Variants in RAX observed in about 807,000 individuals in gnomAD.
RAX encodes retina and anterior neural fold homeobox.
A neutral mutation model predicts 17.4 loss-of-function variants in RAX; 11 were observed. The observed-to-expected ratio is 0.63, with a 90% CI of 0.40 to 1.05. RAX has a LOEUF of 1.05. Among genes scored for constraint, RAX ranks in the 50% least tolerant of loss-of-function variants. The probability of loss-of-function intolerance (pLI) is 0.00; values close to 1 mark genes in which losing one functional copy is unlikely to be tolerated. For missense variants in RAX, 527 were observed against 501.1 expected, an observed-to-expected ratio of 1.05 and a Z score of -0.49; for synonymous variants, 276 against 254.7, an observed-to-expected ratio of 1.08 and a Z score of -0.80.
Position 59,272,489 on chromosome 18 carries a change from T to C in RAX, c.415A>G (p.Asn139Asp). ...EEQPKKKHRR[N>D]RTTFTTYQLH... ...TGGTACGTGGTGAAAGTCGTGCGGTTCCGCCGATGCTTTTTCTTGGGCTGT... is the reference window on the plus strand; with the variant it reads ...TGGTACGTGGTGAAAGTCGTGCGGTCCCGCCGATGCTTTTTCTTGGGCTGT... The change falls in exon 2 of 3, where the codon AAC becomes GAC. Residue 139 changes from asparagine to aspartate, a missense_variant. Physicochemically the swap from Asn to Asp is conservative, Grantham distance 23 (BLOSUM62 1). Coordinates refer to ENST00000334889, the MANE Select transcript of RAX (RefSeq NM_013435.3). 6.2e-7 allele frequency: 1 copy of C among 1,614,232 alleles called. No individual in the cohort carries two copies. The highest frequency in any genetic ancestry group is 2.2e-5 in the East Asian group (1 of 44,858).
intron 2 of RAX, among the ~76,000 whole-genome samples, chr18:59,270,251 A>G (rs547868519): frequency 3.9e-5 from 6 of 152,304 alleles, no homozygotes; most frequent in African/African-American, 1.4e-4. Flanking sequence ...TTTTTATTTA[A>G]TTAATGTCTG....
In RAX at chr18:59,268,952, G is replaced by C. The variant is rs1365917639; in HGVS notation, c.*52C>G. On this transcript the variant is annotated 3_prime_UTR_variant, in exon 3 of 3. Coordinates refer to ENST00000334889, the MANE Select transcript of RAX (RefSeq NM_013435.3). This position sits in a 1 kb window ranked among gnomAD's most constrained non-coding sequence, Gnocchi z 4.4. Reference sequence around the variant, plus strand: ...GGGTTGTCCCTGGGAGAGAGGATGCGGGTACGGTGCGGTCGGCCCGGGGTC... The same window carrying C: ...GGGTTGTCCCTGGGAGAGAGGATGCCGGTACGGTGCGGTCGGCCCGGGGTC... The C allele has an allele frequency of 4.3e-6, 7 of 1,612,446 alleles. No individual in the cohort carries two copies. Among genetic ancestry groups the C allele is most frequent in the East Asian group, 4.5e-5 (2 of 44,864 alleles).
At chr18:59,270,652 G>A (rs182286489) in intron 2 of RAX, among the ~76,000 whole-genome samples, 3 of 152,316 alleles carry the variant, frequency 2.0e-5, no homozygotes, top group Admixed American at 6.5e-5. Flanking sequence ...GTAGTTTTCA[G>A]TCAATAAGGG....
chr18:59,269,146 G>T lies in RAX; in HGVS notation c.899C>A (p.Pro300Gln). 2 of 1,589,264 alleles carry T rather than the reference G, an allele frequency of 1.3e-6. No individual in the cohort carries two copies. The highest frequency in any genetic ancestry group is 2.2e-5 in the South Asian group (2 of 89,182). The change falls in exon 3 of 3, where the codon CCG becomes CAG. Residue 300 changes from proline (P) to glutamine (Q), a missense_variant. Pro to Gln is a moderately conservative substitution (Grantham distance 76, BLOSUM62 -1). Transcript: ENST00000334889. ...GCCGGGCCCGCACGGGTAGGAGGGC[G>T]GCGGCGGCGCGAGAGGTTGCAGGCC... The part of the protein sequence containing the change: ...GPGLQPLAPP[P>Q]PSYPCGPGFG...
chr18:59,268,914 G>T lies in RAX; in HGVS notation c.*90C>A, dbSNP rs1004149963. On this transcript the variant is annotated 3_prime_UTR_variant, in exon 3 of 3. Transcript: ENST00000334889. This position sits in a 1 kb window ranked among gnomAD's most constrained non-coding sequence, Gnocchi z 4.4. ...TGCAGGCGACAGGGAAAGAGGGGCCGAGCTGGGGAGGGGGGTTGTCCCTGG... is the reference window on the plus strand; with the variant it reads ...TGCAGGCGACAGGGAAAGAGGGGCCTAGCTGGGGAGGGGGGTTGTCCCTGG... 5 of 1,597,502 alleles carry T rather than the reference G, an allele frequency of 3.1e-6. No individual in the cohort carries two copies. In the African/African-American group the frequency reaches 4.0e-5, roughly 13 times the overall value.
At chr18:59,272,255 A>C in intron 2 of RAX, 106 bp downstream of exon 2, 1 of 1,487,106 alleles carries the variant, frequency 6.7e-7, no homozygotes, top group Non-Finnish European at 9.3e-7. Context: ...CAAGTCGAGG[A>C]AGGACAGTAA....
In RAX at chr18:59,269,441, T is replaced by A. The variant is rs1024154654; in HGVS notation, c.604A>T (p.Met202Leu). Reference sequence around the variant, plus strand: ...AGGAGGGGCGAGTCCTGCAGCTTCATGGAGGACACTTCCAGCTTCTCCTGC... The same window carrying A: ...AGGAGGGGCGAGTCCTGCAGCTTCAAGGAGGACACTTCCAGCTTCTCCTGC... ...RRQEKLEVSS[M>L]KLQDSPLLSF... is the part of the protein sequence containing the mutation. The change falls in exon 3 of 3, where the codon ATG becomes TTG. Residue 202 changes from methionine (M) to leucine (L), a missense_variant. Met to Leu is a conservative substitution (Grantham distance 15). Transcript: ENST00000334889. The A allele has an allele frequency of 6.3e-7, 1 of 1,592,064 alleles. No homozygotes were observed. Among genetic ancestry groups the A allele is most frequent in the Non-Finnish European group, 8.5e-7 (1 of 1,177,504 alleles).
Position 59,272,511 on chromosome 18 carries a change from C to G in RAX, c.393G>C (p.Gln131His), listed in dbSNP as rs376129745. The G allele has an allele frequency of 1.2e-6, 2 of 1,614,118 alleles. No individual in the cohort carries two copies. Among genetic ancestry groups the G allele is most frequent in the East Asian group, 4.5e-5 (2 of 44,886 alleles). The stretch of plus-strand genomic sequence containing the variant: ...GGTTCCGCCGATGCTTTTTCTTGGG[C>G]TGTTCCTCCTCTGACAGTTTCGCTT... Reference protein sequence around the residue: ...TGEAKLSEEEQPKKKHRRNRT... With the variant: ...TGEAKLSEEEHPKKKHRRNRT... The change falls in exon 2 of 3, where the codon CAG (glutamine) becomes CAC (histidine). Residue 131 changes from glutamine (Q) to histidine (H), a missense_variant. Transcript: ENST00000334889.
At position 59,269,111 on chromosome 18, in the gene RAX, T is replaced by A. The variant is rs1247754205; in HGVS notation, c.934A>T (p.Lys312Ter). The A allele has an allele frequency of 6.2e-7, 1 of 1,610,614 alleles. No homozygotes were observed. The highest frequency in any genetic ancestry group is 8.5e-7 in the Non-Finnish European group (1 of 1,178,728). Reference protein sequence around the residue: ...SYPCGPGFGDKFPLDEADPRN... With the variant: ...SYPCGPGFGD The stretch of plus-strand genomic sequence containing the variant: ...GGGTCCGCCTCGTCCAGCGGGAACT[T>A]GTCCCCGAAGCCGGGCCCGCACGGG... The change falls in exon 3 of 3, where the codon AAG becomes TAG. Residue 312 changes from lysine to a stop codon, truncating the protein, a stop_gained. Coordinates refer to ENST00000334889, the MANE Select transcript of RAX (RefSeq NM_013435.3). LOFTEE classifies it high-confidence loss of function.
In RAX at chr18:59,269,454, C is replaced by G. The variant is rs757348520; in HGVS notation, c.591G>C (p.Leu197=). The part of the protein sequence containing the change: ...RRAKWRRQEK[L]EVSSMKLQDS... ...CCTGCAGCTTCATGGAGGACACTTC[C>G]AGCTTCTCCTGCCGCCGCCACTTAG... The change falls in exon 3 of 3, where the codon CTG becomes CTC. Residue 197 remains leucine, a synonymous_variant. Transcript: ENST00000334889. The G allele has an allele frequency of 1.3e-6, 2 of 1,594,486 alleles. No individual in the cohort carries two copies. Among genetic ancestry groups the G allele is most frequent in the Non-Finnish European group, 8.5e-7 (1 of 1,178,620 alleles).
chr18:59,273,063 G>C lies in RAX; in HGVS notation c.144C>G (p.Leu48=). The C allele has an allele frequency of 6.5e-7, 1 of 1,534,992 alleles. No individual in the cohort carries two copies. The highest frequency in any genetic ancestry group is 1.7e-4 in the Middle Eastern group (1 of 5,960). Residue 48 remains leucine (L), a synonymous_variant, in exon 1 of 3, where the codon CTC becomes CTG. Transcript: ENST00000334889. ...ILGFTKDDGI[L]GTFPAERGAR... ...CGCCCCGCTCCGCCGGGAAGGTGCCGAGGATCCCGTCGTCCTTGGTAAACC... is the reference window on the plus strand; with the variant it reads ...CGCCCCGCTCCGCCGGGAAGGTGCCCAGGATCCCGTCGTCCTTGGTAAACC...
At chr18:59,272,804 C>A in intron 1 of RAX, 114 bp downstream of exon 1, 1 of 1,417,826 alleles carries the variant, frequency 7.1e-7, no homozygotes, top group South Asian at 1.5e-5. Flanking sequence ...ATAGACGGTC[C>A]CCAACCCCGC....
rs141833638 is a variant in RAX, at chr18:59,272,226, C to G, written c.543+135G>C. On this transcript the variant is annotated intron_variant, in intron 2 of 2. Transcript: ENST00000334889. ...GAACATCGAAGATCTGTGCCTCTCCCTTGAGACTCTGGGCATGCCAAGTCG... is the reference window on the plus strand; with the variant it reads ...GAACATCGAAGATCTGTGCCTCTCCGTTGAGACTCTGGGCATGCCAAGTCG... 3.0e-5 allele frequency: 37 copies of G among 1,251,786 alleles called. No individual in the cohort carries two copies. In the East Asian group the frequency reaches 8.0e-4, roughly 27 times the overall value. The allele number at this position is 1,251,786 out of a possible 1,614,324, so 77.5% of individuals were successfully genotyped here.
At chr18:59,271,269 C>T (rs2070336238) in intron 2 of RAX, among the ~76,000 whole-genome samples, 1 of 152,198 alleles carries the variant, frequency 6.6e-6, no homozygotes, top group Non-Finnish European at 1.5e-5. Flanking sequence ...CTGTAGGGTA[C>T]TGGAAGGCTT....
intron 1 of RAX, 49 bp from the exon 2 acceptor site, chr18:59,272,663 T>C (rs1245328791): frequency 1.3e-6 from 2 of 1,556,712 alleles, no homozygotes; most frequent in East Asian, 4.6e-5. Context: ...CAAAACACCC[T>C]TGGGCCGACC....
At position 59,273,105 on chromosome 18, in the gene RAX, G is replaced by A. The variant is rs1349811830; in HGVS notation, c.102C>T (p.Ser34=). 3 of 1,535,104 alleles carry A rather than the reference G, an allele frequency of 2.0e-6. No individual in the cohort carries two copies. The highest frequency in any genetic ancestry group is 2.6e-6 in the Non-Finnish European group (3 of 1,146,362). The part of the protein sequence containing the change: ...SPGGSTSRLH[S]IEAILGFTKD... The stretch of plus-strand genomic sequence containing the variant: ...TGGTAAACCCCAGGATGGCCTCGAT[G>A]CTGTGAAGTCGCGAGGTGCTCCCGC... The change falls in exon 1 of 3, where the codon AGC becomes AGT. Residue 34 remains serine, a synonymous_variant. Transcript: ENST00000334889.
chr18:59,272,637 G>C, intron 1 of RAX, 23 bp from the exon 2 acceptor site: 1 of 1,600,978 alleles, frequency 6.2e-7, no homozygotes, highest in Non-Finnish European at 8.5e-7. Context: ...GGCCCGGGAG[G>C]GTCAGATGCA....
chr18:59,272,992 G>C lies in RAX; in HGVS notation c.215C>G (p.Ala72Gly), dbSNP rs752697208. 88 of 1,524,624 alleles carry C rather than the reference G, an allele frequency of 5.8e-5. No individual in the cohort carries two copies. Among genetic ancestry groups the C allele is most frequent in the Admixed American group, 2.0e-4 (10 of 50,426 alleles). 94.4% of individuals were successfully genotyped at this position (1,524,624 alleles called of 1,614,324 possible). A position where few individuals can be genotyped will look rare whatever the true frequency, so the allele number is the denominator to read the frequency against. Reference sequence around the variant, plus strand: ...GCCTTCCTCGGGCGCCTTGGGGCAGGCGGGCCGCGCGCCCAGCCTCCTATC... The same window carrying C: ...GCCTTCCTCGGGCGCCTTGGGGCAGCCGGGCCGCGCGCCCAGCCTCCTATC... ...ERDRRLGARP[A>G]CPKAPEEGSE... Residue 72 changes from alanine (A) to glycine (G), a missense_variant, in exon 1 of 3, where the codon GCC (alanine) becomes GGC (glycine). Transcript: ENST00000334889.
chr18:59,269,598 C>T (rs2070317970), intron 2 of RAX, 97 bp from the exon 3 acceptor site: 1 of 1,391,172 alleles, frequency 7.2e-7, no homozygotes, highest in African/African-American at 1.5e-5. Context: ...CCACTCCGTC[C>T]CCCTCAAATA....
Sources: gnomAD v4.1 joint callset for allele counts (sites outside exome capture counted in the v4.1 genomes callset) on GRCh38, gnomAD v4.1.1 for gene constraint, Gnocchi (gnomAD v3.1) non-coding constraint, MANE v1.5 for transcripts, NCBI Gene and HGNC (gene_info 2026-07-23, HGNC 2026-07-21) for gene names.